The following ANO2 variants were observed in gnomAD, a reference collection of about 807,000 sequenced individuals.
The protein encoded by ANO2 is anoctamin 2, also known as anoctamin-2.
Under a neutral mutation model 124.2 loss-of-function variants are expected in ANO2, and 101 were observed. That is an observed-to-expected ratio of 0.81 (90% CI 0.69 to 0.96). The LOEUF (loss-of-function observed/expected upper bound fraction) is 0.96. ANO2 is among the 40% of genes least tolerant of loss of function. The probability of loss-of-function intolerance (pLI) is 0.00; values close to 1 mark genes in which losing one functional copy is unlikely to be tolerated. For missense variants in ANO2, 1,293 were observed against 1,274.5 expected (o/e 1.01, Z -0.22); for synonymous variants, 486 against 482.5 (o/e 1.01, Z -0.09).
chr12:5,591,772 T>A (rs1202444610), intron 20 of ANO2, among the ~76,000 whole-genome samples: 1 of 152,194 alleles, frequency 6.6e-6, no homozygotes, highest in East Asian at 1.9e-4. Context: ...CATCTCTCTC[T>A]CACACCAGAC....
At chr12:5,921,832 C>T (rs984273201) in intron 2 of ANO2, among the ~76,000 whole-genome samples, 2 of 152,130 alleles carry the variant, frequency 1.3e-5, no homozygotes, top group South Asian at 2.1e-4. Flanking sequence ...TACCCGAGTG[C>T]GCTCTAACAC....
chr12:5,847,445 C>CTG (rs35366359), intron 4 of ANO2, among the ~76,000 whole-genome samples: 76,832 of 144,558 alleles, frequency 0.53, 22,369 homozygotes, highest in Admixed American at 0.68. Context: ...CATAACACCT[C>CTG]TGTGTGTGTG....
chr12:5,738,214 G>C (rs1950952510), intron 13 of ANO2, among the ~76,000 whole-genome samples: 1 of 152,234 alleles, frequency 6.6e-6, no homozygotes, highest in African/African-American at 2.4e-5. Context: ...TTAAGGAGAA[G>C]AAATGGTGAC....
At chr12:5,752,831 T>A (rs1389510334) in intron 10 of ANO2, among the ~76,000 whole-genome samples, 1 of 152,220 alleles carries the variant, frequency 6.6e-6, no homozygotes, top group Non-Finnish European at 1.5e-5. Context: ...CTTTTAAGAG[T>A]TCTATTGTTT....
At chr12:5,937,920 T>A (rs1478402696) in intron 1 of ANO2, among the ~76,000 whole-genome samples, 1 of 141,284 alleles carries the variant, frequency 7.1e-6, no homozygotes, top group South Asian at 2.2e-4. Flanking sequence ...CTCAGCTACA[T>A]GTCTGGAATG....
intron 21 of ANO2, 134 bp from the exon 22 acceptor site, chr12:5,578,141 T>G: frequency 7.8e-7 from 1 of 1,288,978 alleles, no homozygotes; most frequent in Admixed American, 2.2e-5. Context: ...TGGGCTTGTC[T>G]GGAAAGGCTT....
chr12:5,869,466 T>C (rs1025515948), intron 3 of ANO2, among the ~76,000 whole-genome samples: 1 of 152,102 alleles, frequency 6.6e-6, no homozygotes, highest in Non-Finnish European at 1.5e-5. Context: ...TCAATAAAAA[T>C]GAGGGTGGGC....
chr12:5,671,741 G>A (rs937553686), intron 14 of ANO2, among the ~76,000 whole-genome samples: 3 of 152,142 alleles, frequency 2.0e-5, no homozygotes, highest in Admixed American at 6.5e-5. Flanking sequence ...GACAATACTC[G>A]AAAGCCTAGA....
At chr12:5,650,422 T>A (rs1946863252) in intron 14 of ANO2, among the ~76,000 whole-genome samples, 1 of 152,190 alleles carries the variant, frequency 6.6e-6, no homozygotes, top group Non-Finnish European at 1.5e-5. Flanking sequence ...GATCTCTTTT[T>A]TCTGGAAGTC....
At chr12:5,789,475 A>G (rs924810143) in intron 10 of ANO2, among the ~76,000 whole-genome samples, 1 of 152,236 alleles carries the variant, frequency 6.6e-6, no homozygotes, top group Non-Finnish European at 1.5e-5. Context: ...AGTAAGGATG[A>G]GCCTACATCT....
intron 14 of ANO2, among the ~76,000 whole-genome samples, chr12:5,685,653 G>C (rs1048187369): frequency 1.4e-4 from 21 of 152,142 alleles, no homozygotes; most frequent in Non-Finnish European, 2.8e-4. Context: ...GCATGGTGGT[G>C]CATGCCACCC....
At position 5,607,698 on chromosome 12, in the gene ANO2, C is replaced by T. The variant is rs116352870; in HGVS notation, c.2087+4958G>A. On this transcript the variant is annotated intron_variant, in intron 19 of 24. Coordinates refer to ENST00000682330, the MANE Select transcript of ANO2 (RefSeq NM_001364791.2). ...GCTCTGCCTCTTGTCAGGCCGGTGG[C>T]GGCATCAGATTCTCACAGGAGCGTG... Among the ~76,000 whole-genome samples the T allele has an allele frequency of 8.8e-3, 1,338 of 152,170 alleles. 27 individuals are homozygous for T. The highest frequency in any genetic ancestry group is 0.031 in the African/African-American group (1,270 of 41,524).
At chr12:5,614,517 TGACACATCCTGAG>T (rs1944698612) in intron 17 of ANO2, among the ~76,000 whole-genome samples, 2 of 152,108 alleles carry the variant, frequency 1.3e-5, no homozygotes, top group African/African-American at 4.8e-5. Flanking sequence ...GCCAGGAGGG[TGACACATCCTGAG>T]GACATGGAAG....
chr12:5,731,647 G>A (rs1950640463), intron 14 of ANO2, among the ~76,000 whole-genome samples: 1 of 151,604 alleles, frequency 6.6e-6, no homozygotes, highest in African/African-American at 2.4e-5. Context: ...GGCACACAGA[G>A]ACAGGTATCC....
intron 14 of ANO2, among the ~76,000 whole-genome samples, chr12:5,652,359 AC>A (rs2136961460): frequency 6.6e-6 from 1 of 152,314 alleles, no homozygotes; most frequent in South Asian, 2.1e-4. Context: ...TTAGTTAAGT[AC>A]ATTTTTCACA....
At chr12:5,827,160 GACTGCCTGCCTTAT>G (rs1413967964) in intron 7 of ANO2, among the ~76,000 whole-genome samples, 3 of 152,294 alleles carry the variant, frequency 2.0e-5, no homozygotes, top group Admixed American at 6.5e-5. Context: ...TCAGGATCTG[GACTGCCTGCCTTAT>G]ACTGCCTGCC....
chr12:5,876,181 A>G (rs1386909083), intron 3 of ANO2, among the ~76,000 whole-genome samples: 1 of 152,176 alleles, frequency 6.6e-6, no homozygotes, highest in Admixed American at 6.5e-5. Context: ...TTCTTAGAGC[A>G]TTATTTTAAT....
At chr12:5,874,397 G>C (rs1032185638) in intron 3 of ANO2, among the ~76,000 whole-genome samples, 1 of 152,198 alleles carries the variant, frequency 6.6e-6, no homozygotes, top group South Asian at 2.1e-4. Flanking sequence ...ATGCAGGCAA[G>C]AGCTTGGATT....
Position 5,692,034 on chromosome 12 carries a change from C to T in ANO2, c.1545+40486G>A, listed in dbSNP as rs114199956. Among the ~76,000 whole-genome samples, 190 of 152,120 alleles carry T rather than the reference C, an allele frequency of 1.2e-3. 1 individual carries two copies. The highest frequency in any genetic ancestry group is 4.4e-3 in the African/African-American group (183 of 41,488). On this transcript the variant is annotated intron_variant, in intron 14 of 24. Transcript: ENST00000682330. ...AAGTCTCTGGTGGGTTTTATGTGGG[C>T]GAGTGATGTGATCTGATTTACAGTC... is the stretch of plus-strand genomic sequence containing the variant.
Sources: gnomAD v4.1 joint callset for allele counts (sites outside exome capture counted in the v4.1 genomes callset) on GRCh38, gnomAD v4.1.1 for gene constraint, MANE v1.5 for transcripts, NCBI Gene and HGNC (gene_info 2026-07-23, HGNC 2026-07-21) for gene names.